KSR1: variants seen among roughly 807,000 people sequenced by gnomAD.
The protein encoded by KSR1 is kinase suppressor of ras.
In KSR1, 35 loss-of-function variants were observed where a neutral mutation model predicts 92.9. That is an observed-to-expected ratio of 0.38 (90% CI 0.29 to 0.50). The LOEUF is 0.50. Ranked by LOEUF, KSR1 falls within the 20% of genes least tolerant of loss-of-function variation. The pLI, the probability that KSR1 is intolerant of heterozygous loss-of-function variation, is 0.94. For missense variants in KSR1, 972 were observed against 1,158.5 expected, an observed-to-expected ratio of 0.84 and a Z score of 2.34; for synonymous variants, 467 against 472.6, an observed-to-expected ratio of 0.99 and a Z score of 0.15.
intron 1 of KSR1, among the ~76,000 whole-genome samples, chr17:27,476,158 G>C (rs2068336606): frequency 6.6e-6 from 1 of 152,204 alleles, no homozygotes; most frequent in African/African-American, 2.4e-5. Context: ...CCTGCCCCGG[G>C]GGGACCATGC....
intron 1 of KSR1, among the ~76,000 whole-genome samples, chr17:27,457,867 G>A (rs1222895737): frequency 1.3e-5 from 2 of 152,054 alleles, no homozygotes; most frequent in Non-Finnish European, 2.9e-5. Context: ...GTCTGGGGAT[G>A]TTTTGTTTTA....
intron 15 of KSR1, 44 bp downstream of exon 15, chr17:27,608,054 C>G (rs2151239674): frequency 7.1e-7 from 1 of 1,404,942 alleles, no homozygotes; most frequent in Middle Eastern, 1.8e-4. Context: ...CTGGCCGGTT[C>G]CAGGGCTCTC....
chr17:27,590,612 G>T (rs1275771217), intron 6 of KSR1, among the ~76,000 whole-genome samples, 199 bp from the exon 7 acceptor site: 1 of 152,244 alleles, frequency 6.6e-6, no homozygotes, highest in Admixed American at 6.5e-5. Flanking sequence ...TGACAATGAT[G>T]ACTTTGCATC....
At chr17:27,457,114 G>A (rs1368262329) in intron 1 of KSR1, among the ~76,000 whole-genome samples, 1 of 152,174 alleles carries the variant, frequency 6.6e-6, no homozygotes, top group African/African-American at 2.4e-5. Context: ...GGGCCCGTGC[G>A]GGGTGGGCTG....
intron 2 of KSR1, among the ~76,000 whole-genome samples, chr17:27,562,352 G>A (rs530699918): frequency 5.9e-5 from 9 of 152,366 alleles, no homozygotes; most frequent in South Asian, 4.1e-4. Flanking sequence ...GGCCCAAGGC[G>A]TCTCAGGAGC....
chr17:27,475,199 GGGGCCC>G lies in KSR1; in HGVS notation c.231+18326_231+18331del, dbSNP rs1389744505. ...CCTGGGGCCAGGGGTGAGGCCACAA[GGGGCCC>G]TGGGCATGACATTTAGGGAGGTGCT... On this transcript the variant is annotated intron_variant, in intron 1 of 20. Coordinates refer to ENST00000644974, the MANE Select transcript of KSR1 (RefSeq NM_001394583.1). Among the ~76,000 whole-genome samples the G allele has an allele frequency of 6.3e-4, 96 of 152,320 alleles. 1 individual carries two copies. In the Middle Eastern group the frequency reaches 0.017, roughly 27 times the overall value.
chr17:27,463,388 G>C (rs895888493), intron 1 of KSR1, among the ~76,000 whole-genome samples: 1 of 150,984 alleles, frequency 6.6e-6, no homozygotes, highest in African/African-American at 2.4e-5. Context: ...CGCTCCTGTA[G>C]TTCTAGCTAC....
intron 1 of KSR1, among the ~76,000 whole-genome samples, chr17:27,502,388 C>T (rs545725556): frequency 6.6e-6 from 1 of 152,234 alleles, no homozygotes; most frequent in African/African-American, 2.4e-5. Flanking sequence ...CCTGAAGTAT[C>T]CCCTCCCTGA....
intron 1 of KSR1, chr17:27,526,568 T>G: frequency 6.3e-7 from 1 of 1,597,222 alleles, no homozygotes; most frequent in Middle Eastern, 1.7e-4. Flanking sequence ...TGCACCTCAT[T>G]CATTTGTATC....
At chr17:27,563,620 T>C (rs540188190) in intron 2 of KSR1, among the ~76,000 whole-genome samples, 20 of 152,328 alleles carry the variant, frequency 1.3e-4, no homozygotes, top group African/African-American at 4.3e-4. Context: ...TCCAAACCCT[T>C]CACCTACCTT....
At chr17:27,602,120 T>A (rs570270048) in intron 11 of KSR1, among the ~76,000 whole-genome samples, 2 of 152,220 alleles carry the variant, frequency 1.3e-5, no homozygotes, top group South Asian at 4.1e-4. Context: ...TAGCTGTTTT[T>A]TTTTTGGATT....
chr17:27,517,557 A>G (rs1410497293), intron 1 of KSR1, among the ~76,000 whole-genome samples: 1 of 152,196 alleles, frequency 6.6e-6, no homozygotes, highest in Non-Finnish European at 1.5e-5. Flanking sequence ...TGGCCTCCCA[A>G]AATGATGGGA....
At chr17:27,608,869 C>G (rs183157337) in intron 15 of KSR1, among the ~76,000 whole-genome samples, 1 of 152,324 alleles carries the variant, frequency 6.6e-6, no homozygotes, top group Admixed American at 6.5e-5. Flanking sequence ...ATAAATCTCA[C>G]TGTCCCTGAC....
chr17:27,519,984 G>A (rs1312098970), intron 1 of KSR1, among the ~76,000 whole-genome samples: 2 of 152,200 alleles, frequency 1.3e-5, no homozygotes, highest in African/African-American at 4.8e-5. Flanking sequence ...GGTACTCAGT[G>A]CAGCAGAGTC....
At chr17:27,548,316 T>C (rs2945388) in intron 1 of KSR1, among the ~76,000 whole-genome samples, 33,201 of 151,954 alleles carry the variant, frequency 0.22, 3,747 homozygotes, top group Non-Finnish European at 0.25. Flanking sequence ...CCTAGATTTC[T>C]AAAAGGGTCT....
chr17:27,499,844 C>T lies in KSR1; in HGVS notation c.231+42970C>T, dbSNP rs536396755. Among the ~76,000 whole-genome samples, 38 of 152,326 alleles carry T rather than the reference C, an allele frequency of 2.5e-4. No homozygotes were observed. In the South Asian group the frequency reaches 7.0e-3, roughly 28 times the overall value. On this transcript the variant is annotated intron_variant, in intron 1 of 20. Coordinates refer to ENST00000644974, the MANE Select transcript of KSR1 (RefSeq NM_001394583.1). ...CCACCACCAAAGCAGAGGGGGTGTA[C>T]GAGGCCTTCTGTTTGGAAGGGTGTC...
chr17:27,615,744 C>A (rs957766596), intron 18 of KSR1, among the ~76,000 whole-genome samples: 1 of 152,144 alleles, frequency 6.6e-6, no homozygotes, highest in Non-Finnish European at 1.5e-5. Context: ...ATCGTGCCCT[C>A]TCTTTATTTG....
chr17:27,590,387 C>T (rs572990612), intron 6 of KSR1, among the ~76,000 whole-genome samples: 1 of 152,316 alleles, frequency 6.6e-6, no homozygotes, highest in South Asian at 2.1e-4. Context: ...TAGTCAGCTC[C>T]TATTGATGGA....
At chr17:27,567,106 G>A (rs1367656921) in intron 2 of KSR1, among the ~76,000 whole-genome samples, 2 of 152,106 alleles carry the variant, frequency 1.3e-5, no homozygotes, top group African/African-American at 4.8e-5. Context: ...GTTGTGCCTA[G>A]GCTACTTACA....
Sources: allele counts gnomAD v4.1 joint callset (sites outside exome capture counted in the v4.1 genomes callset), GRCh38; gene constraint gnomAD v4.1.1; transcripts MANE v1.5; gene names NCBI Gene and HGNC (gene_info 2026-07-23, HGNC 2026-07-21).